Variants in CADPS observed in about 807,000 individuals in gnomAD.
CADPS encodes the protein calcium dependent secretion activator.
In CADPS, 57 loss-of-function variants were observed where a neutral mutation model predicts 167.3. That is an observed-to-expected ratio of 0.34 (90% confidence interval 0.28 to 0.42). The LOEUF is 0.42. CADPS is among the 20% of genes least tolerant of loss of function. The pLI, the probability that CADPS is intolerant of heterozygous loss-of-function variation, is 1.00. For missense variants in CADPS, 1,414 were observed against 1,738.1 expected (o/e 0.81, Z 3.32); for synonymous variants, 676 against 635.3 (o/e 1.06, Z -0.96).
At position 62,855,822 on chromosome 3, in the gene CADPS, G is replaced by A. The variant is rs1030954230; in HGVS notation, c.441+18767C>T. ...GATTTCCAGTTTTTGTTTCTTAAAA[G>A]AAGAGAAAAAAATTAAGGTGCTTAA... On this transcript the variant is annotated intron_variant, in intron 1 of 29. Coordinates refer to ENST00000383710, the MANE Select transcript of CADPS (RefSeq NM_003716.4). Among the ~76,000 whole-genome samples, 4 of 152,038 alleles carry A rather than the reference G, an allele frequency of 2.6e-5. No homozygotes were observed. The East Asian group carries it at 7.7e-4, about 29-fold the overall frequency.
Position 62,648,691 on chromosome 3 carries a change from C to CAAAAAAAAAAAAAAAAAAAAAAAAAAAAA in CADPS, c.1203+2155_1203+2156insTTTTTTTTTTTTTTTTTTTTTTTTTTTTT, listed in dbSNP as rs55665003. Among the ~76,000 whole-genome samples the CAAAAAAAAAAAAAAAAAAAAAAAAAAAAA allele has an allele frequency of 2.2e-4, 12 of 54,548 alleles. 3 individuals carry two copies. Among genetic ancestry groups the CAAAAAAAAAAAAAAAAAAAAAAAAAAAAA allele is most frequent in the African/African-American group, 6.0e-4 (10 of 16,744 alleles). The allele number at this position is 54,548 out of a possible 152,430, so 35.8% of individuals were successfully genotyped here. A position where few individuals can be genotyped will look rare whatever the true frequency, so the allele number is the denominator to read the frequency against. On this transcript the variant is annotated intron_variant, in intron 5 of 29. Transcript: ENST00000383710. ...TGGGCAACAGAGTGAGACGTTGTGT[C>CAAAAAAAAAAAAAAAAAAAAAAAAAAAAA]AAAAAAAAAAAAAAGAGGAAAGAAA...
chr3:62,475,388 T>C (rs1310010861), intron 23 of CADPS, among the ~76,000 whole-genome samples: 1 of 152,114 alleles, frequency 6.6e-6, no homozygotes, highest in South Asian at 2.1e-4. Flanking sequence ...TTTGGCATTG[T>C]TCACTGTCAA....
intron 20 of CADPS, among the ~76,000 whole-genome samples, chr3:62,491,731 C>T (rs541528571): frequency 6.6e-6 from 1 of 152,304 alleles, no homozygotes; most frequent in African/African-American, 2.4e-5. Flanking sequence ...GAAAAACGAT[C>T]ATGCTACTTT....
At position 62,586,088 on chromosome 3, in the gene CADPS, G is replaced by T. The variant is rs940142461; in HGVS notation, c.1438-764C>A. ...AATCCACTTTTCGCTTTGTGATCAC[G>T]GAGTTCTCAGGAGACACATGGGATC... On this transcript the variant is annotated intron_variant, in intron 7 of 29. Coordinates refer to ENST00000383710, the MANE Select transcript of CADPS (RefSeq NM_003716.4). Among the ~76,000 whole-genome samples the T allele has an allele frequency of 2.4e-4, 37 of 152,270 alleles. 1 individual carries two copies. The highest frequency in any genetic ancestry group is 2.9e-5 in the Non-Finnish European group (2 of 68,028).
At chr3:62,653,947 G>A (rs1308887351) in intron 4 of CADPS, among the ~76,000 whole-genome samples, 2 of 152,194 alleles carry the variant, frequency 1.3e-5, no homozygotes, top group African/African-American at 4.8e-5. Context: ...GCATGAATGT[G>A]AGGGAAAGAG....
At chr3:62,570,317 T>C (rs1223923271) in intron 9 of CADPS, among the ~76,000 whole-genome samples, 3 of 151,904 alleles carry the variant, frequency 2.0e-5, no homozygotes, top group Admixed American at 1.3e-4. Flanking sequence ...CTAAGACTTT[T>C]GGAAGCACCA....
intron 28 of CADPS, among the ~76,000 whole-genome samples, chr3:62,426,942 G>A (rs1258313404): frequency 6.6e-6 from 1 of 151,774 alleles, no homozygotes; most frequent in Non-Finnish European, 1.5e-5. Context: ...GGGCATGGTG[G>A]CAGGCGCCTA....
intron 11 of CADPS, 115 bp from the exon 12 acceptor site, chr3:62,536,696 G>C (rs956073127): frequency 2.0e-6 from 2 of 1,006,854 alleles, no homozygotes; most frequent in South Asian, 1.5e-5. Context: ...CTGTTTCCCC[G>C]TTGCCTCCCA....
intron 1 of CADPS, among the ~76,000 whole-genome samples, chr3:62,860,047 C>A (rs185592525): frequency 1.8e-4 from 28 of 152,310 alleles, no homozygotes; most frequent in Middle Eastern, 6.8e-3. Context: ...TAGTAACATT[C>A]AGTGTTTACC....
intron 3 of CADPS, among the ~76,000 whole-genome samples, chr3:62,686,708 G>A (rs1227963236): frequency 6.6e-6 from 1 of 152,012 alleles, no homozygotes; most frequent in Non-Finnish European, 1.5e-5. Context: ...ATTTCGTAAT[G>A]TACCTTGTCT....
intron 3 of CADPS, among the ~76,000 whole-genome samples, chr3:62,700,366 A>G (rs2151519887): frequency 6.6e-6 from 1 of 152,234 alleles, no homozygotes; most frequent in South Asian, 2.1e-4. Flanking sequence ...TTTGGTTTTC[A>G]TCTTGGTAGC....
chr3:62,847,435 C>G lies in CADPS; in HGVS notation c.441+27154G>C, dbSNP rs867394700. On this transcript the variant is annotated intron_variant, in intron 1 of 29. Coordinates refer to ENST00000383710, the MANE Select transcript of CADPS (RefSeq NM_003716.4). ...CAATGCTATCCCTCCCCCCTCCCCC[C>G]ACCCCACCACAGTCCCCAGAGTGTG... Among the ~76,000 whole-genome samples, 24 of 94,180 alleles carry G rather than the reference C, an allele frequency of 2.5e-4. 1 individual carries two copies. The highest frequency in any genetic ancestry group is 9.7e-4 in the African/African-American group (23 of 23,640). The allele number at this position is 94,180 out of a possible 152,430, so 61.8% of individuals were successfully genotyped here.
intron 1 of CADPS, among the ~76,000 whole-genome samples, chr3:62,872,817 C>A (rs1409154041): frequency 6.6e-6 from 1 of 152,106 alleles, no homozygotes; most frequent in Non-Finnish European, 1.5e-5. Flanking sequence ...TCTCCCCCAC[C>A]CCTTTCGACC....
Position 62,492,464 on chromosome 3 carries a change from A to C in CADPS, c.2728-18T>G. The C allele has an allele frequency of 2.5e-6, 4 of 1,610,594 alleles. No homozygotes were observed. The highest frequency in any genetic ancestry group is 3.4e-6 in the Non-Finnish European group (4 of 1,177,466). ...GCAAAGGCCTTTAAAATTTGGCAGA[A>C]AAACAATAGACAAAGAAGTGATGAG... On this transcript the variant is annotated intron_variant, in intron 19 of 29. Transcript: ENST00000383710.
chr3:62,449,510 C>A (rs141696330), intron 26 of CADPS, among the ~76,000 whole-genome samples: 15 of 152,118 alleles, frequency 9.9e-5, no homozygotes, highest in Non-Finnish European at 1.9e-4. Flanking sequence ...TTATCCATAT[C>A]CATATCCATA....
intron 6 of CADPS, among the ~76,000 whole-genome samples, chr3:62,609,320 A>G (rs2061166773): frequency 6.6e-6 from 1 of 151,602 alleles, no homozygotes; most frequent in Non-Finnish European, 1.5e-5. Context: ...TTCACGGTAT[A>G]CAGTTAAGTC....
chr3:62,793,923 A>G (rs1355824677), intron 1 of CADPS, among the ~76,000 whole-genome samples: 1 of 152,162 alleles, frequency 6.6e-6, no homozygotes, highest in Non-Finnish European at 1.5e-5. Context: ...GGGTCTGTGG[A>G]ACTCCCTGGG....
chr3:62,635,646 GTTTTTTT>G (rs67151220), intron 6 of CADPS, among the ~76,000 whole-genome samples: 1 of 144,410 alleles, frequency 6.9e-6, no homozygotes. Flanking sequence ...GGCTTTCTCT[GTTTTTTT>G]TTTTTTTTTT....
chr3:62,843,566 G>A lies in CADPS; in HGVS notation c.441+31023C>T, dbSNP rs994743540. 1.4e-4 allele frequency among the ~76,000 whole-genome samples: 22 copies of A among 151,780 alleles called. 1 individual carries two copies. The highest frequency in any genetic ancestry group is 2.1e-4 in the South Asian group (1 of 4,786). On this transcript the variant is annotated intron_variant, in intron 1 of 29. Transcript: ENST00000383710. ...TAAAGCTGGAGGAAAGCAGCATAAC[G>A]TTGGACTCAACCTCATCTGGGTGCC...
Sources: gnomAD v4.1 joint callset for allele counts (sites outside exome capture counted in the v4.1 genomes callset) on GRCh38, gnomAD v4.1.1 for gene constraint, MANE v1.5 for transcripts, NCBI Gene and HGNC (gene_info 2026-07-23, HGNC 2026-07-21) for gene names.